Variants in TMEM178B observed in about 807,000 individuals in gnomAD.
TMEM178B encodes transmembrane protein 178B.
In TMEM178B, 5 loss-of-function variants were observed where a neutral mutation model predicts 31.0. The observed-to-expected ratio is 0.16, with a 90% CI of 0.08 to 0.34. TMEM178B has a LOEUF of 0.34. Ranked by LOEUF, TMEM178B falls within the 10% of genes least tolerant of loss-of-function variation. TMEM178B has a pLI of 1.00. For missense variants in TMEM178B, 275 were observed against 400.3 expected, an observed-to-expected ratio of 0.69 and a Z score of 2.67; for synonymous variants, 164 against 164.0, an observed-to-expected ratio of 1.00 and a Z score of 0.00.
chr7:141,115,938 A>C (rs774994326), intron 1 of TMEM178B, among the ~76,000 whole-genome samples: 2 of 152,354 alleles, frequency 1.3e-5, no homozygotes, highest in African/African-American at 4.8e-5. Flanking sequence ...TGAGATTTAC[A>C]CGTTAAAAAT....
chr7:141,143,072 ATTTGT>A (rs1795800037), intron 1 of TMEM178B, among the ~76,000 whole-genome samples: 1 of 151,972 alleles, frequency 6.6e-6, no homozygotes, highest in Non-Finnish European at 1.5e-5. Flanking sequence ...AAATGGGATT[ATTTGT>A]TTTTTGCTTG....
chr7:141,215,334 A>ATTT (rs779584995), intron 2 of TMEM178B, among the ~76,000 whole-genome samples: 1 of 59,052 alleles, frequency 1.7e-5, no homozygotes, highest in South Asian at 4.1e-4. Flanking sequence ...TATTATTATT[A>ATTT]TTATTTTTTG....
chr7:141,436,632 G>A (rs1276874761), intron 2 of TMEM178B, among the ~76,000 whole-genome samples: 1 of 151,992 alleles, frequency 6.6e-6, no homozygotes, highest in Non-Finnish European at 1.5e-5. Context: ...CCCGGAGCTG[G>A]TGGGGGCTGG....
chr7:141,264,396 A>T (rs555368286), intron 2 of TMEM178B, among the ~76,000 whole-genome samples: 1 of 152,302 alleles, frequency 6.6e-6, no homozygotes, highest in Admixed American at 6.5e-5. Flanking sequence ...GGGACTTCCC[A>T]TGCCAGATGC....
chr7:141,208,255 C>T (rs1353604224), intron 1 of TMEM178B, among the ~76,000 whole-genome samples: 7 of 152,012 alleles, frequency 4.6e-5, no homozygotes, highest in African/African-American at 1.7e-4. Flanking sequence ...AGGAGCCACC[C>T]CTGGGATCTC....
chr7:141,272,012 T>A (rs1385779345), intron 2 of TMEM178B, among the ~76,000 whole-genome samples: 1 of 152,200 alleles, frequency 6.6e-6, no homozygotes, highest in Non-Finnish European at 1.5e-5. Flanking sequence ...CTTCTCTCCA[T>A]GCTTCAGTGC....
chr7:141,161,236 GCTT>G (rs1796167107), intron 1 of TMEM178B, among the ~76,000 whole-genome samples: 2 of 152,324 alleles, frequency 1.3e-5, no homozygotes, highest in African/African-American at 4.8e-5. Context: ...GTCTCGAAGA[GCTT>G]CTGTCTGACA....
intron 2 of TMEM178B, among the ~76,000 whole-genome samples, chr7:141,425,318 G>T (rs934725904): frequency 6.6e-6 from 1 of 152,134 alleles, no homozygotes; most frequent in Non-Finnish European, 1.5e-5. Context: ...GTAACCCTCT[G>T]GTGGAACATT....
At chr7:141,162,391 G>A (rs1796190835) in intron 1 of TMEM178B, among the ~76,000 whole-genome samples, 1 of 152,196 alleles carries the variant, frequency 6.6e-6, no homozygotes, top group African/African-American at 2.4e-5. Context: ...GCTGGTTCCG[G>A]ATGCTGCCCA....
intron 1 of TMEM178B, among the ~76,000 whole-genome samples, chr7:141,168,875 A>C (rs1204310815): frequency 6.6e-6 from 1 of 152,144 alleles, no homozygotes; most frequent in Non-Finnish European, 1.5e-5. Context: ...GTATGTATTT[A>C]TGGGATACAT....
At chr7:141,296,543 TG>T (rs1340806877) in intron 2 of TMEM178B, among the ~76,000 whole-genome samples, 1 of 152,218 alleles carries the variant, frequency 6.6e-6, no homozygotes, top group Non-Finnish European at 1.5e-5. Flanking sequence ...AGAGGGAATA[TG>T]CTAAGACAGC....
chr7:141,162,130 C>T (rs1034015459), intron 1 of TMEM178B, among the ~76,000 whole-genome samples: 2 of 152,212 alleles, frequency 1.3e-5, no homozygotes, highest in African/African-American at 2.4e-5. Context: ...TAGGATTCCC[C>T]GTTTCCCCAC....
intron 2 of TMEM178B, among the ~76,000 whole-genome samples, chr7:141,391,967 G>A (rs1800550760): frequency 6.6e-6 from 1 of 152,058 alleles, no homozygotes; most frequent in Non-Finnish European, 1.5e-5. Context: ...TTTGGTTATT[G>A]TGAATAATGC....
intron 2 of TMEM178B, among the ~76,000 whole-genome samples, chr7:141,236,648 G>A (rs541224001): frequency 6.6e-6 from 1 of 152,300 alleles, no homozygotes; most frequent in African/African-American, 2.4e-5. Flanking sequence ...CCTGTGGTGA[G>A]GGAAGCCCTG....
intron 2 of TMEM178B, chr7:141,352,221 A>T (rs1024048449): frequency 6.6e-6 from 1 of 152,518 alleles, no homozygotes; most frequent in African/African-American, 2.4e-5. Context: ...CTGAAATGCA[A>T]TGGAGAAGGG....
chr7:141,299,493 A>G (rs1162067458), intron 2 of TMEM178B, among the ~76,000 whole-genome samples: 2 of 152,200 alleles, frequency 1.3e-5, no homozygotes, highest in Admixed American at 1.3e-4. Context: ...TTCCAGATCC[A>G]TAGCCTTCCC....
At chr7:141,146,972 T>A (rs1443197759) in intron 1 of TMEM178B, among the ~76,000 whole-genome samples, 1 of 152,202 alleles carries the variant, frequency 6.6e-6, no homozygotes, top group Non-Finnish European at 1.5e-5. Context: ...TGGACATATC[T>A]ATAAGAGAAT....
At chr7:141,307,864 A>G (rs2116452493) in intron 2 of TMEM178B, among the ~76,000 whole-genome samples, 1 of 152,318 alleles carries the variant, frequency 6.6e-6, no homozygotes, top group East Asian at 1.9e-4. Context: ...TAAGCCTAGC[A>G]GGGTCTTTAA....
At chr7:141,355,989 A>G (rs1799811489) in intron 2 of TMEM178B, among the ~76,000 whole-genome samples, 1 of 152,142 alleles carries the variant, frequency 6.6e-6, no homozygotes, top group Non-Finnish European at 1.5e-5. Flanking sequence ...TTCTGTGTTA[A>G]TTCTCTTAGG....
Sources: allele counts gnomAD v4.1 joint callset (sites outside exome capture counted in the v4.1 genomes callset), GRCh38; gene constraint gnomAD v4.1.1; transcripts MANE v1.5; gene names NCBI Gene and HGNC (gene_info 2026-07-23, HGNC 2026-07-21).